The following ZC3H6 variants were observed in gnomAD, a reference collection of about 807,000 sequenced individuals.
ZC3H6 encodes zinc finger CCCH-type containing 6.
A neutral mutation model predicts 107.7 loss-of-function variants in ZC3H6; 40 were observed. That is an observed-to-expected ratio of 0.37 (90% CI 0.29 to 0.48). ZC3H6 has a LOEUF of 0.48. Ranked by LOEUF, ZC3H6 falls within the 20% of genes least tolerant of loss-of-function variation. The probability of loss-of-function intolerance (pLI) is 0.98; values close to 1 mark genes in which losing one functional copy is unlikely to be tolerated. For synonymous variants in ZC3H6, 493 were observed against 487.9 expected (o/e 1.01, Z -0.14); for missense variants, 1,267 against 1,410.4 (o/e 0.90, Z 1.63).
At position 112,331,539 on chromosome 2, in the gene ZC3H6, C is replaced by T; in HGVS notation, c.2621C>T (p.Ala874Val). The T allele has an allele frequency of 6.2e-7, 1 of 1,614,002 alleles. No homozygotes were observed. Among genetic ancestry groups the T allele is most frequent in the Non-Finnish European group, 8.5e-7 (1 of 1,179,892 alleles). Residue 874 changes from alanine (A) to valine (V), a missense_variant, in exon 12 of 12, where the codon GCA becomes GTA. This residue lies in a region of ZC3H6 where 925 missense variants were observed against 1,025.7 expected (regional missense o/e 0.90). Transcript: ENST00000409871. ...MDITLTKPNF[A>V]KHIVWAPEDL... is the part of the protein sequence containing the mutation. ...ATTACTCTAACCAAACCCAACTTTG[C>T]AAAACACATCGTGTGGGCTCCCGAA...
Position 112,289,075 on chromosome 2 carries a change from G to C in ZC3H6, c.33-10774G>C, listed in dbSNP as rs1282732287. 4.5e-5 allele frequency among the ~76,000 whole-genome samples: 4 copies of C among 89,662 alleles called. No homozygotes were observed. In the Admixed American group the frequency reaches 5.6e-4, roughly 12 times the overall value. The allele number at this position is 89,662 out of a possible 152,430, so 58.8% of individuals were successfully genotyped here. ...TTTCTTTTTTTTCTTTTTTTTTTTT[G>C]AGACAGAATCCCGCCCTGTTGCCCA... On this transcript the variant is annotated intron_variant, in intron 1 of 11. Coordinates refer to ENST00000409871, the MANE Select transcript of ZC3H6 (RefSeq NM_198581.3).
At chr2:112,327,727 T>C (rs1480046160) in intron 11 of ZC3H6, among the ~76,000 whole-genome samples, 4 of 152,200 alleles carry the variant, frequency 2.6e-5, no homozygotes, top group African/African-American at 9.7e-5. Context: ...CTTCTGCATA[T>C]GGATATCCAG....
intron 6 of ZC3H6, 22 bp from the exon 7 acceptor site, chr2:112,317,199 T>C: frequency 8.6e-6 from 3 of 349,856 alleles, no homozygotes; most frequent in South Asian, 1.3e-4. Flanking sequence ...TTCTTTTTTC[T>C]TTTTTTTTTT....
rs199886121 is a variant in ZC3H6, at chr2:112,331,042, A to G, written c.2124A>G (p.Glu708=). 102 of 1,557,528 alleles carry G rather than the reference A, an allele frequency of 6.5e-5. No individual in the cohort carries two copies. The African/African-American group carries it at 1.0e-3, about 16-fold the overall frequency. Residue 708 remains glutamate, a synonymous_variant, in exon 12 of 12, where the codon GAA becomes GAG. Coordinates refer to ENST00000409871, the MANE Select transcript of ZC3H6 (RefSeq NM_198581.3). ...TVNWYSSSEE[E]EGSSVKSILK... ...ACTGGTATTCCAGTAGTGAAGAGGAAGAAGGAAGCAGTGTCAAATCAATAC... is the reference window on the plus strand; with the variant it reads ...ACTGGTATTCCAGTAGTGAAGAGGAGGAAGGAAGCAGTGTCAAATCAATAC...
intron 11 of ZC3H6, among the ~76,000 whole-genome samples, chr2:112,327,176 T>A (rs1389622082): frequency 1.3e-5 from 2 of 152,184 alleles, no homozygotes; most frequent in Non-Finnish European, 2.9e-5. Flanking sequence ...CATCCTTGCC[T>A]GCATTTGTTA....
chr2:112,322,138 T>C (rs1000032458), intron 8 of ZC3H6, among the ~76,000 whole-genome samples: 1 of 146,574 alleles, frequency 6.8e-6, no homozygotes, highest in Non-Finnish European at 1.5e-5. Flanking sequence ...CTTCCCTCCT[T>C]CCCTCCTTCC....
At chr2:112,317,031 G>A (rs1290602381) in intron 6 of ZC3H6, among the ~76,000 whole-genome samples, 190 bp from the exon 7 acceptor site, 1 of 152,122 alleles carries the variant, frequency 6.6e-6, no homozygotes, top group Non-Finnish European at 1.5e-5. Context: ...AATGCATGTA[G>A]CTACATCCAC....
At chr2:112,304,780 C>T (rs896290483) in intron 3 of ZC3H6, among the ~76,000 whole-genome samples, 1 of 152,194 alleles carries the variant, frequency 6.6e-6, no homozygotes, top group Non-Finnish European at 1.5e-5. Flanking sequence ...TCTCACTGTT[C>T]TGGTCTACAA....
intron 11 of ZC3H6, among the ~76,000 whole-genome samples, chr2:112,327,778 C>T (rs1379178917): frequency 2.0e-5 from 3 of 152,074 alleles, no homozygotes; most frequent in Non-Finnish European, 2.9e-5. Context: ...GTCCTTTCCC[C>T]GATGTATGTT....
chr2:112,316,439 G>A, intron 5 of ZC3H6, 31 bp from the exon 6 acceptor site: 1 of 1,329,348 alleles, frequency 7.5e-7, no homozygotes, highest in South Asian at 1.3e-5. Flanking sequence ...TATTTCATAT[G>A]CTGCATTCAA....
rs181385600 is a variant in ZC3H6, at chr2:112,324,484, G to T, written c.1673G>T (p.Gly558Val). 6.2e-7 allele frequency: 1 copy of T among 1,613,710 alleles called. No homozygotes were observed. Among genetic ancestry groups the T allele is most frequent in the African/African-American group, 1.3e-5 (1 of 75,050 alleles). ...GCTTACCACTCCCCAGGCTTTCCAG[G>T]ACATGTGATGAAAGTACCCAGAGAG... is the stretch of plus-strand genomic sequence containing the variant. ...GGAYHSPGFPGHVMKVPRENH... is the reference protein window; with the variant it reads ...GGAYHSPGFPVHVMKVPRENH... The change falls in exon 10 of 12, where the codon GGA (glycine) becomes GTA (valine). Residue 558 changes from glycine to valine, a missense_variant. Transcript: ENST00000409871.
At chr2:112,293,861 G>A (rs1415051994) in intron 1 of ZC3H6, among the ~76,000 whole-genome samples, 2 of 152,198 alleles carry the variant, frequency 1.3e-5, no homozygotes, top group African/African-American at 2.4e-5. Context: ...AGCTCCTCAT[G>A]TCCCTCATCC....
In ZC3H6 at chr2:112,332,114, T is replaced by G. The variant is rs960788917; in HGVS notation, c.3196T>G (p.Ser1066Ala). 5 of 1,613,968 alleles carry G rather than the reference T, an allele frequency of 3.1e-6. No individual in the cohort carries two copies. Among genetic ancestry groups the G allele is most frequent in the African/African-American group, 2.7e-5 (2 of 75,046 alleles). ...ATCCACATCAGAGCTAGCAACAGCT[T>G]CTTCAGGAGAAAACTCAAAGAACCA... ...SSSTSELATASSGENSKNQKK... is the reference protein window; with the variant it reads ...SSSTSELATAASGENSKNQKK... Residue 1066 changes from serine to alanine, a missense_variant, in exon 12 of 12, where the codon TCT (serine) becomes GCT (alanine). Around this residue, in one of 3 missense-constraint regions of ZC3H6, gnomAD observed 925 missense variants for 1,025.7 expected, o/e 0.90. Transcript: ENST00000409871.
intron 1 of ZC3H6, 143 bp downstream of exon 1, chr2:112,276,169 A>T (rs1686415749): frequency 1.7e-6 from 1 of 597,292 alleles, no homozygotes; most frequent in Non-Finnish European, 2.6e-6. Flanking sequence ...ACTCTTATGT[A>T]AACTGCTGGA....
chr2:112,292,376 A>G (rs1676140273), intron 1 of ZC3H6, among the ~76,000 whole-genome samples: 1 of 152,204 alleles, frequency 6.6e-6, no homozygotes, highest in African/African-American at 2.4e-5. Context: ...TTTTCGTTCC[A>G]TTGCAAAATA....
chr2:112,332,139 A>C lies in ZC3H6; in HGVS notation c.3221A>C (p.Gln1074Pro), dbSNP rs1677047739. The part of the protein sequence containing the change: ...TASSGENSKN[Q>P]KKSGGLKSSD... ...TCTTCAGGAGAAAACTCAAAGAACC[A>C]GAAAAAAAGTGGTGGCTTAAAAAGT... is the stretch of plus-strand genomic sequence containing the variant. The change falls in exon 12 of 12, where the codon CAG becomes CCG. Residue 1074 changes from glutamine (Q) to proline (P), a missense_variant. Physicochemically the swap from Gln to Pro is moderately conservative, Grantham distance 76 (BLOSUM62 -1). Coordinates refer to ENST00000409871, the MANE Select transcript of ZC3H6 (RefSeq NM_198581.3). The C allele has an allele frequency of 1.2e-6, 2 of 1,613,862 alleles. No homozygotes were observed. Among genetic ancestry groups the C allele is most frequent in the Admixed American group, 1.7e-5 (1 of 60,002 alleles).
intron 1 of ZC3H6, among the ~76,000 whole-genome samples, 197 bp downstream of exon 1, chr2:112,276,223 G>A (rs1440275674): frequency 3.4e-5 from 5 of 148,366 alleles, no homozygotes; most frequent in African/African-American, 1.2e-4. Flanking sequence ...CCGCCTCCCC[G>A]AGCCGGGGTC....
At chr2:112,290,217 T>C (rs1558947122) in intron 1 of ZC3H6, among the ~76,000 whole-genome samples, 1 of 152,262 alleles carries the variant, frequency 6.6e-6, no homozygotes, top group Non-Finnish European at 1.5e-5. Context: ...AAATCACTCC[T>C]GAGGAATTGA....
intron 7 of ZC3H6, among the ~76,000 whole-genome samples, chr2:112,319,880 TTTTTTC>T (rs1573962306): frequency 6.6e-6 from 1 of 152,148 alleles, no homozygotes; most frequent in Admixed American, 6.5e-5. Flanking sequence ...CTTTCAGACT[TTTTTTC>T]TATGCTGGTA....
Sources: allele counts gnomAD v4.1 joint callset (sites outside exome capture counted in the v4.1 genomes callset), GRCh38; gene constraint gnomAD v4.1.1; regional missense constraint gnomAD v4.1.1; transcripts MANE v1.5; gene names NCBI Gene and HGNC (gene_info 2026-07-23, HGNC 2026-07-21).